Variants in PTPN1 observed in about 807,000 individuals in gnomAD.
PTPN1 encodes tyrosine-protein phosphatase non-receptor type 1.
PTPN1 carries 12 observed loss-of-function variants against 59.9 expected under a neutral mutation model. The observed-to-expected ratio is 0.20, with a 90% CI of 0.13 to 0.32. The LOEUF (loss-of-function observed/expected upper bound fraction) is 0.32. Ranked by LOEUF, PTPN1 falls within the 10% of genes least tolerant of loss-of-function variation. The pLI is 1.00. For missense variants in PTPN1, 356 were observed against 549.2 expected (o/e 0.65, Z 3.52); for synonymous variants, 178 against 203.6 (o/e 0.87, Z 1.07).
intron 1 of PTPN1, among the ~76,000 whole-genome samples, chr20:50,511,924 G>A (rs535832625): frequency 6.6e-6 from 1 of 152,168 alleles, no homozygotes; most frequent in South Asian, 2.1e-4. Context: ...CGCTTAGAAA[G>A]GAAAAAAGGT....
intron 1 of PTPN1, among the ~76,000 whole-genome samples, chr20:50,517,585 A>G (rs901918720): frequency 2.0e-5 from 3 of 152,150 alleles, no homozygotes; most frequent in East Asian, 1.9e-4. Context: ...AGAAAAACGT[A>G]TGACATCGTT....
intron 1 of PTPN1, among the ~76,000 whole-genome samples, chr20:50,554,000 C>A (rs1421842500): frequency 6.6e-6 from 1 of 152,066 alleles, no homozygotes; most frequent in East Asian, 1.9e-4. Context: ...AAGTCTGCCC[C>A]CAAAATACTT....
intron 1 of PTPN1, among the ~76,000 whole-genome samples, chr20:50,552,446 A>G (rs1046762000): frequency 2.0e-5 from 3 of 152,138 alleles, no homozygotes; most frequent in Non-Finnish European, 2.9e-5. Flanking sequence ...TTGTTACCTT[A>G]GTTTCCTGAC....
intron 1 of PTPN1, among the ~76,000 whole-genome samples, chr20:50,541,854 G>A (rs931776659): frequency 5.9e-5 from 9 of 152,182 alleles, no homozygotes; most frequent in African/African-American, 2.2e-4. Flanking sequence ...AGAGGTAGCA[G>A]GTCAGTGGTG....
At position 50,518,084 on chromosome 20, in the gene PTPN1, C is replaced by T. The variant is rs181783820; in HGVS notation, c.63+7494C>T. Among the ~76,000 whole-genome samples, 398 of 152,220 alleles carry T rather than the reference C, an allele frequency of 2.6e-3. 3 individuals are homozygous for T. The highest frequency in any genetic ancestry group is 0.011 in the South Asian group (51 of 4,826). On this transcript the variant is annotated intron_variant, in intron 1 of 9. Transcript: ENST00000371621. ...CTCTTCCCTTGTCTCTGTTAAGAAACGTTTTTCGACTTTTTTCCTTTCTTA... is the reference window on the plus strand; with the variant it reads ...CTCTTCCCTTGTCTCTGTTAAGAAATGTTTTTCGACTTTTTTCCTTTCTTA...
chr20:50,515,825 T>A (rs930543558), intron 1 of PTPN1, among the ~76,000 whole-genome samples: 5 of 152,186 alleles, frequency 3.3e-5, no homozygotes, highest in Admixed American at 3.3e-4. Context: ...AACAAATAGA[T>A]TAGCCCACAT....
chr20:50,539,333 G>T (rs1393174440), intron 1 of PTPN1, among the ~76,000 whole-genome samples: 2 of 152,132 alleles, frequency 1.3e-5, no homozygotes, highest in African/African-American at 4.8e-5. Context: ...ACCGCGCCCA[G>T]CCTCTTCTCT....
intron 1 of PTPN1, among the ~76,000 whole-genome samples, chr20:50,516,228 T>TC (rs2082528424): frequency 6.6e-6 from 1 of 151,608 alleles, no homozygotes; most frequent in South Asian, 2.1e-4. Context: ...GTCTTTGATT[T>TC]TTTTTTTCAA....
chr20:50,518,883 A>G (rs538232806), intron 1 of PTPN1, among the ~76,000 whole-genome samples: 2 of 152,168 alleles, frequency 1.3e-5, no homozygotes, highest in South Asian at 4.2e-4. Flanking sequence ...CCAGAATACA[A>G]CCTGGTTTAG....
At chr20:50,575,581 C>G (rs1394288700) in intron 5 of PTPN1, among the ~76,000 whole-genome samples, 2 of 152,178 alleles carry the variant, frequency 1.3e-5, no homozygotes, top group South Asian at 2.1e-4. Flanking sequence ...CCATGCCTCC[C>G]CTTCTCAAGT....
At chr20:50,578,191 AG>A in intron 5 of PTPN1, 1 of 535,646 alleles carries the variant, frequency 1.9e-6, no homozygotes, top group Non-Finnish European at 3.4e-6. Flanking sequence ...TTCAATCCGA[AG>A]GGAAATGAAG....
chr20:50,561,950 C>T (rs2082754691), intron 2 of PTPN1, among the ~76,000 whole-genome samples: 1 of 152,218 alleles, frequency 6.6e-6, no homozygotes, highest in Non-Finnish European at 1.5e-5. Context: ...TCCCTCTTTC[C>T]TGCTGTTAGT....
At chr20:50,569,443 C>T (rs952832609) in intron 4 of PTPN1, among the ~76,000 whole-genome samples, 4 of 152,244 alleles carry the variant, frequency 2.6e-5, no homozygotes, top group Admixed American at 2.6e-4. Context: ...TCTCCCCTGC[C>T]CTCCTCACTC....
intron 1 of PTPN1, among the ~76,000 whole-genome samples, chr20:50,515,778 A>G (rs1324510735): frequency 6.6e-6 from 1 of 152,234 alleles, no homozygotes; most frequent in Non-Finnish European, 1.5e-5. Flanking sequence ...TGTACAAAAC[A>G]TGTTCCTGGC....
chr20:50,562,253 A>T (rs899070570), intron 2 of PTPN1, among the ~76,000 whole-genome samples: 2 of 152,162 alleles, frequency 1.3e-5, no homozygotes, highest in African/African-American at 2.4e-5. Context: ...AAGATTCTCC[A>T]GTCATTCCTC....
At position 50,510,669 on chromosome 20, in the gene PTPN1, T is replaced by TCCCTCTGGGTCTTG. The variant is rs2082502723; in HGVS notation, c.63+87_63+100dup. On this transcript the variant is annotated intron_variant, in intron 1 of 9. Transcript: ENST00000371621. ...CCCCTCAGACCTCCAGGCCCCAGAC[T>TCCCTCTGGGTCTTG]CCCTCTGGGTCTTGCCCTCTGCCTC... 6.4e-5 allele frequency: 90 copies of TCCCTCTGGGTCTTG among 1,408,804 alleles called. 2 individuals carry two copies. The South Asian group carries it at 1.2e-3, about 18-fold the overall frequency. 87.3% of individuals were successfully genotyped at this position (1,408,804 alleles called of 1,614,324 possible). A position where few individuals can be genotyped will look rare whatever the true frequency, so the allele number is the denominator to read the frequency against.
chr20:50,567,674 C>T (rs1012992098), intron 3 of PTPN1, among the ~76,000 whole-genome samples: 3 of 152,182 alleles, frequency 2.0e-5, no homozygotes, highest in Non-Finnish European at 4.4e-5. Flanking sequence ...CACCCTCATG[C>T]CCCAGTGACT....
chr20:50,581,529 G>T, intron 9 of PTPN1, 69 bp downstream of exon 9: 1 of 1,495,296 alleles, frequency 6.7e-7, no homozygotes. Flanking sequence ...CTAGCCCGAT[G>T]GTAGGATTCA....
At chr20:50,548,474 G>A (rs1201298782) in intron 1 of PTPN1, among the ~76,000 whole-genome samples, 4 of 151,218 alleles carry the variant, frequency 2.6e-5, no homozygotes, top group African/African-American at 4.9e-5. Context: ...CCACCAGGCC[G>A]GAGTGCAGTG....
Sources: allele counts gnomAD v4.1 joint callset (sites outside exome capture counted in the v4.1 genomes callset), GRCh38; gene constraint gnomAD v4.1.1; transcripts MANE v1.5; gene names NCBI Gene and HGNC (gene_info 2026-07-23, HGNC 2026-07-21).